RIMS2: variants seen among roughly 807,000 people sequenced by gnomAD.
RIMS2 encodes regulating synaptic membrane exocytosis protein 2.
A neutral mutation model predicts 174.4 loss-of-function variants in RIMS2; 59 were observed. The ratio of observed to expected loss-of-function variants is 0.34; its 90% CI spans 0.27 to 0.42. RIMS2 has a LOEUF of 0.42. RIMS2 is among the 10% of genes least tolerant of loss of function. The pLI is 1.00. For synonymous variants in RIMS2, 606 were observed against 572.5 expected, an observed-to-expected ratio of 1.06 and a Z score of -0.84; for missense variants, 1,620 against 1,666.3, an observed-to-expected ratio of 0.97 and a Z score of 0.48.
intron 17 of RIMS2, among the ~76,000 whole-genome samples, chr8:103,995,252 T>C (rs926629267): frequency 6.6e-6 from 1 of 152,124 alleles, no homozygotes; most frequent in Non-Finnish European, 1.5e-5. Context: ...GGGTCAGCCA[T>C]TGTGCACAAA....
chr8:103,977,896 A>T (rs1346439255), intron 16 of RIMS2, among the ~76,000 whole-genome samples: 1 of 152,228 alleles, frequency 6.6e-6, no homozygotes, highest in African/African-American at 2.4e-5. Context: ...CTGGAAACTC[A>T]TCAAATCTTG....
intron 1 of RIMS2, among the ~76,000 whole-genome samples, chr8:103,567,425 A>T (rs982003683): frequency 6.6e-6 from 1 of 152,352 alleles, no homozygotes; most frequent in Non-Finnish European, 1.5e-5. Context: ...ACAGTATGTA[A>T]TTTTTGTGTG....
intron 15 of RIMS2, among the ~76,000 whole-genome samples, chr8:103,974,587 A>G (rs528427340): frequency 6.6e-6 from 1 of 152,116 alleles, no homozygotes; most frequent in Non-Finnish European, 1.5e-5. Context: ...CTCTCCACAT[A>G]CCAGTTGCTT....
At chr8:104,014,202 G>A (rs1348800040) in intron 18 of RIMS2, among the ~76,000 whole-genome samples, 1 of 152,174 alleles carries the variant, frequency 6.6e-6, no homozygotes, top group East Asian at 1.9e-4. Flanking sequence ...TTTCTTTCTT[G>A]AGCAGCGAAA....
At chr8:104,199,155 G>A (rs1234646605) in intron 19 of RIMS2, among the ~76,000 whole-genome samples, 1 of 152,082 alleles carries the variant, frequency 6.6e-6, no homozygotes, top group South Asian at 2.1e-4. Flanking sequence ...TCCGCTTCCA[G>A]GGTTCACACC....
At chr8:104,055,122 T>C (rs1397645306) in intron 19 of RIMS2, among the ~76,000 whole-genome samples, 1 of 152,136 alleles carries the variant, frequency 6.6e-6, no homozygotes, top group Non-Finnish European at 1.5e-5. Context: ...AGGATTCTAT[T>C]GTGAATTTTT....
rs2099149227 is a variant in RIMS2, at chr8:104,220,286, T to A, written c.3335-24630T>A. On this transcript the variant is annotated intron_variant, in intron 19 of 23. Transcript: ENST00000504942. ...TATCTGTAAGATCCTAGGAAAAAAA[T>A]ATCAAAAAAGCTTCCCAGGACAACC... is the stretch of plus-strand genomic sequence containing the variant. Among the ~76,000 whole-genome samples the A allele has an allele frequency of 4.8e-5, 6 of 125,030 alleles. No homozygotes were observed. The South Asian group carries it at 1.4e-3, about 30-fold the overall frequency. 82.0% of individuals were successfully genotyped at this position (125,030 alleles called of 152,430 possible).
At chr8:104,150,410 A>G (rs543846106) in intron 19 of RIMS2, among the ~76,000 whole-genome samples, 17 of 152,342 alleles carry the variant, frequency 1.1e-4, no homozygotes, top group African/African-American at 4.1e-4. Context: ...TAGAGGACAG[A>G]TACTTAAACA....
chr8:104,109,958 C>T (rs1482132881), intron 19 of RIMS2, among the ~76,000 whole-genome samples: 1 of 152,044 alleles, frequency 6.6e-6, no homozygotes, highest in Admixed American at 6.6e-5. Flanking sequence ...GACCCTGTGC[C>T]AAAATAGGGA....
intron 2 of RIMS2, among the ~76,000 whole-genome samples, chr8:103,753,839 C>T (rs1415965388): frequency 2.0e-5 from 3 of 152,068 alleles, no homozygotes; most frequent in African/African-American, 7.2e-5. Context: ...ATTAGTCTTG[C>T]TAGTGGTCTA....
chr8:103,676,785 G>C (rs2096820306), intron 1 of RIMS2, among the ~76,000 whole-genome samples: 1 of 151,964 alleles, frequency 6.6e-6, no homozygotes, highest in African/African-American at 2.4e-5. Context: ...GAGTTCAAGA[G>C]TAGCCTGGCC....
chr8:103,590,488 G>A (rs1480207683), intron 1 of RIMS2, among the ~76,000 whole-genome samples: 5 of 151,194 alleles, frequency 3.3e-5, no homozygotes, highest in Non-Finnish European at 7.4e-5. Flanking sequence ...ATCCTTACAT[G>A]TCAGAATTTT....
intron 14 of RIMS2, among the ~76,000 whole-genome samples, chr8:103,949,782 AG>A (rs1476971736): frequency 6.6e-6 from 1 of 152,188 alleles, no homozygotes; most frequent in Non-Finnish European, 1.5e-5. Context: ...AGGGAATAAA[AG>A]TCAAAATAGA....
intron 1 of RIMS2, among the ~76,000 whole-genome samples, chr8:103,594,131 A>G (rs373188645): frequency 6.6e-6 from 1 of 151,780 alleles, no homozygotes; most frequent in East Asian, 1.9e-4. Context: ...GAACAGTGAA[A>G]AATTTGAGTA....
chr8:103,799,889 G>A (rs1010881143), intron 3 of RIMS2, among the ~76,000 whole-genome samples: 3 of 151,974 alleles, frequency 2.0e-5, no homozygotes, highest in African/African-American at 4.8e-5. Context: ...TGCTCTTTTA[G>A]TCATGATTAA....
intron 14 of RIMS2, among the ~76,000 whole-genome samples, chr8:103,945,668 A>T (rs2083546122): frequency 6.6e-6 from 1 of 152,142 alleles, no homozygotes; most frequent in South Asian, 2.1e-4. Flanking sequence ...CAACATATTA[A>T]CAGAAAAAAG....
At chr8:103,527,186 A>C (rs2130753771) in intron 1 of RIMS2, among the ~76,000 whole-genome samples, 1 of 152,288 alleles carries the variant, frequency 6.6e-6, no homozygotes, top group South Asian at 2.1e-4. Context: ...GGCAAAATAA[A>C]GGCCTTATCA....
At chr8:103,513,289 A>G (rs527662531) in intron 1 of RIMS2, among the ~76,000 whole-genome samples, 5 of 152,314 alleles carry the variant, frequency 3.3e-5, no homozygotes, top group Non-Finnish European at 7.4e-5. Context: ...AGATATTTGG[A>G]TAATAGTCCT....
chr8:104,158,265 T>C (rs1213027578), intron 19 of RIMS2, among the ~76,000 whole-genome samples: 6 of 152,226 alleles, frequency 3.9e-5, no homozygotes, highest in Admixed American at 3.9e-4. Flanking sequence ...CTGTGGTGTA[T>C]ATGTGCCACA....
Sources: gnomAD v4.1 joint callset for allele counts (sites outside exome capture counted in the v4.1 genomes callset) on GRCh38, gnomAD v4.1.1 for gene constraint, MANE v1.5 for transcripts, NCBI Gene and HGNC (gene_info 2026-07-23, HGNC 2026-07-21) for gene names.